Variants in SHROOM3 observed in about 807,000 individuals in gnomAD.
SHROOM3 encodes shroom family member 3.
In SHROOM3, 47 loss-of-function variants were observed where a neutral mutation model predicts 138.6. The ratio of observed to expected loss-of-function variants is 0.34; its 90% CI spans 0.27 to 0.43. SHROOM3 has a LOEUF of 0.43. Among genes scored for constraint, SHROOM3 ranks in the 20% least tolerant of loss-of-function variants. The pLI is 1.00. For synonymous variants in SHROOM3, 1,062 were observed against 1,063.3 expected (o/e 1.00, Z 0.02); for missense variants, 2,491 against 2,596.5 (o/e 0.96, Z 0.88).
intron 2 of SHROOM3, among the ~76,000 whole-genome samples, chr4:76,612,628 G>A (rs1326912685): frequency 5.3e-5 from 8 of 152,124 alleles, no homozygotes; most frequent in Non-Finnish European, 1.2e-4. Context: ...GCAAGATTTA[G>A]TTACATGTTA....
chr4:76,622,022 G>A (rs1577925382), intron 2 of SHROOM3, among the ~76,000 whole-genome samples: 1 of 151,982 alleles, frequency 6.6e-6, no homozygotes, highest in East Asian at 1.9e-4. Context: ...GTAGAGTCGG[G>A]GTTTCACCAT....
chr4:76,772,501 T>C (rs553207285), intron 10 of SHROOM3, among the ~76,000 whole-genome samples: 3 of 152,288 alleles, frequency 2.0e-5, no homozygotes, highest in Admixed American at 2.0e-4. Flanking sequence ...TTCAAATAGA[T>C]TTTAAAAGGA....
At chr4:76,721,191 G>C (rs1474601969) in intron 3 of SHROOM3, among the ~76,000 whole-genome samples, 1 of 150,354 alleles carries the variant, frequency 6.7e-6, no homozygotes, top group African/African-American at 2.4e-5. Context: ...GGCGCCTGTA[G>C]TCCCAGCTAC....
chr4:76,441,663 G>A (rs1050408336), intron 1 of SHROOM3, among the ~76,000 whole-genome samples: 3 of 151,990 alleles, frequency 2.0e-5, no homozygotes, highest in African/African-American at 7.2e-5. Context: ...TCTTTGTCCT[G>A]CCTTTGCATT....
At chr4:76,759,024 G>A (rs888435188) in intron 8 of SHROOM3, among the ~76,000 whole-genome samples, 1 of 152,132 alleles carries the variant, frequency 6.6e-6, no homozygotes, top group Non-Finnish European at 1.5e-5. Flanking sequence ...GATTTCCCAG[G>A]ATTATATGGG....
chr4:76,666,921 T>C (rs1029054709), intron 2 of SHROOM3, among the ~76,000 whole-genome samples: 1 of 152,174 alleles, frequency 6.6e-6, no homozygotes, highest in African/African-American at 2.4e-5. Flanking sequence ...TGTTACAGAA[T>C]ATGACATAGG....
chr4:76,622,110 C>T (rs978881631), intron 2 of SHROOM3, among the ~76,000 whole-genome samples: 12 of 152,064 alleles, frequency 7.9e-5, no homozygotes, highest in Non-Finnish European at 1.3e-4. Flanking sequence ...GGATTGCGCA[C>T]GGCTGAATGT....
Position 76,663,835 on chromosome 4 carries a change from A to G in SHROOM3, c.324-46321A>G, listed in dbSNP as rs565402552. 3.9e-5 allele frequency among the ~76,000 whole-genome samples: 6 copies of G among 152,328 alleles called. No individual in the cohort carries two copies. In the South Asian group the frequency reaches 1.2e-3, roughly 32 times the overall value. On this transcript the variant is annotated intron_variant, in intron 2 of 10. Transcript: ENST00000296043. Reference sequence around the variant, plus strand: ...TTCTGCAGTGTAACAGTTGGGTTAGAGTGGTCCTTTAAACAGGACATGAGG... The same window carrying G: ...TTCTGCAGTGTAACAGTTGGGTTAGGGTGGTCCTTTAAACAGGACATGAGG...
At chr4:76,634,961 C>G (rs569529345) in intron 2 of SHROOM3, among the ~76,000 whole-genome samples, 1 of 152,266 alleles carries the variant, frequency 6.6e-6, no homozygotes, top group African/African-American at 2.4e-5. Flanking sequence ...TTAATTCCAG[C>G]AATAGCATCA....
At chr4:76,462,473 A>G (rs2109976528) in intron 1 of SHROOM3, among the ~76,000 whole-genome samples, 1 of 152,214 alleles carries the variant, frequency 6.6e-6, no homozygotes, top group South Asian at 2.1e-4. Context: ...CCCAAACTTC[A>G]TTTACCACTT....
At chr4:76,438,737 G>A (rs1246616450) in intron 1 of SHROOM3, among the ~76,000 whole-genome samples, 2 of 148,904 alleles carry the variant, frequency 1.3e-5, no homozygotes, top group African/African-American at 4.9e-5. Context: ...CCTTTTTAGG[G>A]CAGGGACTAT....
intron 10 of SHROOM3, among the ~76,000 whole-genome samples, chr4:76,773,220 C>CA (rs1228967305): frequency 6.6e-6 from 1 of 151,812 alleles, no homozygotes; most frequent in Non-Finnish European, 1.5e-5. Flanking sequence ...GCTAAAAATA[C>CA]AAAAATTAAC....
rs79846603 is a variant in SHROOM3 at position 76,472,588 on chromosome 4, A to T, written c.168+36368A>T. On this transcript the variant is annotated intron_variant, in intron 1 of 10. Coordinates refer to ENST00000296043, the MANE Select transcript of SHROOM3 (RefSeq NM_020859.4). ...ATATGTACTTTTTGGTGTATATGTT[A>T]TAGTCACAGTAAAAATGTCTTTAAT... Among the ~76,000 whole-genome samples, 47 of 152,276 alleles carry T rather than the reference A, an allele frequency of 3.1e-4. No homozygotes were observed. In the East Asian group the frequency reaches 8.5e-3, roughly 27 times the overall value.
intron 6 of SHROOM3, among the ~76,000 whole-genome samples, chr4:76,752,267 A>G (rs1362779634): frequency 6.6e-6 from 1 of 152,180 alleles, no homozygotes; most frequent in Non-Finnish European, 1.5e-5. Flanking sequence ...CACACAAAAC[A>G]CAAAATAGTG....
chr4:76,700,616 C>G (rs567897153), intron 2 of SHROOM3, among the ~76,000 whole-genome samples: 1 of 152,072 alleles, frequency 6.6e-6, no homozygotes, highest in Non-Finnish European at 1.5e-5. Flanking sequence ...AGGGAAGGAT[C>G]GTGTCTGTTT....
At chr4:76,627,874 A>G (rs1379443680) in intron 2 of SHROOM3, among the ~76,000 whole-genome samples, 3 of 152,116 alleles carry the variant, frequency 2.0e-5, no homozygotes, top group African/African-American at 7.2e-5. Context: ...CACGAAGGTA[A>G]TTCAAAAGAT....
rs371599875 is a variant in SHROOM3, at chr4:76,754,303, C to T, written c.3828-8C>T. ...AGCTGTAACCCTCCTGTCTGTGTGC[C>T]GTTCCAGGTCACTCAGTTGTTCAGA... On this transcript the variant is annotated splice_region_variant and splice_polypyrimidine_tract_variant and intron_variant, in intron 6 of 10. Transcript: ENST00000296043. 1.2e-5 allele frequency: 19 copies of T among 1,614,010 alleles called. No individual in the cohort carries two copies. Among genetic ancestry groups the T allele is most frequent in the African/African-American group, 4.0e-5 (3 of 74,906 alleles).
At position 76,435,758 on chromosome 4, in the gene SHROOM3, AG is replaced by A. The variant is rs1337348555; in HGVS notation, c.-293del. 3.4e-6 allele frequency: 1 copy of A among 295,482 alleles called. No individual in the cohort carries two copies. Among genetic ancestry groups the A allele is most frequent in the East Asian group, 6.3e-5 (1 of 15,798 alleles). The allele number at this position is 295,482 out of a possible 1,614,324, so 18.3% of individuals were successfully genotyped here. On this transcript the variant is annotated 5_prime_UTR_variant, in exon 1 of 11. The change creates a premature stop within an existing upstream ORF in the 5' untranslated region. Coordinates refer to ENST00000296043, the MANE Select transcript of SHROOM3 (RefSeq NM_020859.4). ...AAAGCAATCTTCAGAGCGCCACTGA[AG>A]GAAGTTTTGACGAACGGAGTAGAGA...
chr4:76,696,917 T>G (rs1421439242), intron 2 of SHROOM3, among the ~76,000 whole-genome samples: 1 of 151,808 alleles, frequency 6.6e-6, no homozygotes, highest in African/African-American at 2.4e-5. Flanking sequence ...CCGAGAGGTT[T>G]TTGTTGTTGT....
Sources: gnomAD v4.1 joint callset for allele counts (sites outside exome capture counted in the v4.1 genomes callset) on GRCh38, gnomAD v4.1.1 for gene constraint, MANE v1.5 for transcripts, NCBI Gene and HGNC (gene_info 2026-07-23, HGNC 2026-07-21) for gene names.